CA10: variants seen among roughly 807,000 people sequenced by gnomAD.
The protein encoded by CA10 is carbonic anhydrase-related protein 10.
A neutral mutation model predicts 44.2 loss-of-function variants in CA10; 14 were observed. That is an observed-to-expected ratio of 0.32 (90% CI 0.21 to 0.50). The LOEUF is 0.50. CA10 is among the 20% of genes least tolerant of loss of function. CA10 has a pLI of 0.99. For synonymous variants in CA10, 159 were observed against 141.6 expected (o/e 1.12, Z -0.87); for missense variants, 350 against 409.7 (o/e 0.85, Z 1.26).
At chr17:51,793,543 T>C (rs1439716168) in intron 3 of CA10, among the ~76,000 whole-genome samples, 1 of 152,244 alleles carries the variant, frequency 6.6e-6, no homozygotes, top group African/African-American at 2.4e-5. Flanking sequence ...GGTTTTGTCC[T>C]GTGTTGAAAC....
intron 3 of CA10, among the ~76,000 whole-genome samples, chr17:51,878,075 C>T (rs561849719): frequency 7.0e-5 from 9 of 129,096 alleles, no homozygotes; most frequent in East Asian, 2.4e-4. Context: ...ACCCAGAAGG[C>T]GGAGGTTACA....
chr17:51,848,271 T>G (rs540886083), intron 3 of CA10, among the ~76,000 whole-genome samples: 1 of 152,242 alleles, frequency 6.6e-6, no homozygotes, highest in Non-Finnish European at 1.5e-5. Context: ...AATATTGCAT[T>G]AAAATGCTAT....
chr17:51,883,606 C>G (rs1043136147), intron 3 of CA10, among the ~76,000 whole-genome samples: 1 of 152,142 alleles, frequency 6.6e-6, no homozygotes, highest in African/African-American at 2.4e-5. Context: ...AGAACCCTTT[C>G]TTCTTTCATC....
chr17:51,734,268 G>A lies in CA10; in HGVS notation c.465+13365C>T, dbSNP rs143598758. 2.0e-5 allele frequency among the ~76,000 whole-genome samples: 3 copies of A among 151,956 alleles called. No homozygotes were observed. In the East Asian group the frequency reaches 5.8e-4, roughly 29 times the overall value. ...ATAGCATCATGACTCCTTAATCAAT[G>A]GTTTATACGTGATGGCAAACTTGTG... On this transcript the variant is annotated intron_variant, in intron 4 of 8. Coordinates refer to ENST00000451037, the MANE Select transcript of CA10 (RefSeq NM_020178.5).
chr17:52,112,390 C>T (rs896498773), intron 1 of CA10, among the ~76,000 whole-genome samples: 7 of 152,192 alleles, frequency 4.6e-5, no homozygotes, highest in Non-Finnish European at 7.4e-5. Context: ...TACAACACAG[C>T]CATGCCCATT....
At chr17:51,738,315 G>A (rs1214109273) in intron 4 of CA10, among the ~76,000 whole-genome samples, 1 of 152,148 alleles carries the variant, frequency 6.6e-6, no homozygotes, top group Admixed American at 6.6e-5. Context: ...CATCCATGGA[G>A]CAGCTAGACA....
At position 51,839,752 on chromosome 17, in the gene CA10, A is replaced by T. The variant is rs143519573; in HGVS notation, c.279+91238T>A. The stretch of plus-strand genomic sequence containing the variant: ...AACCAAAATCCTAAATGGAAAGAAG[A>T]CTGAAATATAAAATTAGAAAACTTT... On this transcript the variant is annotated intron_variant, in intron 3 of 8. Transcript: ENST00000451037. Among the ~76,000 whole-genome samples, 595 of 152,278 alleles carry T rather than the reference A, an allele frequency of 3.9e-3. 3 individuals carry two copies. The highest frequency in any genetic ancestry group is 7.0e-3 in the Non-Finnish European group (476 of 68,024).
intron 1 of CA10, among the ~76,000 whole-genome samples, chr17:52,095,742 T>C (rs1305321560): frequency 6.6e-6 from 1 of 152,148 alleles, no homozygotes; most frequent in Non-Finnish European, 1.5e-5. Flanking sequence ...GCCTGGGTTT[T>C]GGTATATTTA....
chr17:51,938,683 G>T (rs556799525), intron 2 of CA10, among the ~76,000 whole-genome samples: 1 of 152,206 alleles, frequency 6.6e-6, no homozygotes, highest in South Asian at 2.1e-4. Context: ...GTTCCAAGTG[G>T]TGACTGGCTG....
intron 4 of CA10, among the ~76,000 whole-genome samples, chr17:51,708,743 G>A (rs1295741569): frequency 1.3e-5 from 2 of 152,218 alleles, no homozygotes; most frequent in African/African-American, 4.8e-5. Flanking sequence ...GCAGAAGAAC[G>A]TGGAAGGACT....
Position 51,692,391 on chromosome 17 carries a change from CT to C in CA10, c.466-38656del, listed in dbSNP as rs1915236184. Among the ~76,000 whole-genome samples, 9 of 127,802 alleles carry C rather than the reference CT, an allele frequency of 7.0e-5. No individual in the cohort carries two copies. In the Admixed American group the frequency reaches 7.4e-4, roughly 10 times the overall value. The allele number at this position is 127,802 out of a possible 152,430, so 83.8% of individuals were successfully genotyped here. A position where few individuals can be genotyped will look rare whatever the true frequency, so the allele number is the denominator to read the frequency against. On this transcript the variant is annotated intron_variant, in intron 4 of 8. Coordinates refer to ENST00000451037, the MANE Select transcript of CA10 (RefSeq NM_020178.5). ...CCTATCTATCTATCTATCTATCTAT[CT>C]ATCTATCTATCTATCTATCTATCTA...
chr17:51,786,251 T>G (rs1906277799), intron 3 of CA10, among the ~76,000 whole-genome samples: 2 of 151,052 alleles, frequency 1.3e-5, no homozygotes, highest in African/African-American at 4.9e-5. Flanking sequence ...GTCTTTAGGC[T>G]TTTCCAAATA....
intron 3 of CA10, among the ~76,000 whole-genome samples, chr17:51,914,249 T>A (rs1981902356): frequency 9.3e-6 from 1 of 107,738 alleles, no homozygotes; most frequent in Non-Finnish European, 2.2e-5. Flanking sequence ...GAAGAGAGGC[T>A]GCAGAGGAGA....
chr17:51,995,187 T>C (rs569737217), intron 2 of CA10, among the ~76,000 whole-genome samples: 9 of 152,174 alleles, frequency 5.9e-5, no homozygotes, highest in Non-Finnish European at 1.0e-4. Flanking sequence ...AACCATGTAA[T>C]ATGATTTATT....
intron 3 of CA10, among the ~76,000 whole-genome samples, chr17:51,803,448 C>T (rs139564347): frequency 4.2e-4 from 64 of 152,312 alleles, no homozygotes; most frequent in Admixed American, 7.8e-4. Flanking sequence ...CTCCAAATCC[C>T]GGCTTCTCAG....
chr17:52,157,650 T>C (rs1224476970), intron 1 of CA10, 76 bp downstream of exon 1: 13 of 1,342,826 alleles, frequency 9.7e-6, no homozygotes, highest in African/African-American at 1.4e-5. Context: ...CCCGCGGCTA[T>C]ATACAATAAA....
intron 3 of CA10, among the ~76,000 whole-genome samples, chr17:51,821,505 A>T (rs1048214858): frequency 6.6e-6 from 1 of 151,952 alleles, no homozygotes; most frequent in African/African-American, 2.4e-5. Context: ...GGTCCAAATG[A>T]TTACCAGCTC....
At chr17:52,137,411 T>G (rs1488425321) in intron 1 of CA10, among the ~76,000 whole-genome samples, 1 of 152,248 alleles carries the variant, frequency 6.6e-6, no homozygotes, top group East Asian at 1.9e-4. Context: ...AGTGAAAATA[T>G]TCATTTCAGC....
chr17:51,671,012 C>T (rs1914397384), intron 4 of CA10, among the ~76,000 whole-genome samples: 1 of 152,086 alleles, frequency 6.6e-6, no homozygotes, highest in Non-Finnish European at 1.5e-5. Flanking sequence ...TAAATGAACC[C>T]CTGTGGAATG....
Sources: allele counts gnomAD v4.1 joint callset (sites outside exome capture counted in the v4.1 genomes callset), GRCh38; gene constraint gnomAD v4.1.1; transcripts MANE v1.5; gene names NCBI Gene and HGNC (gene_info 2026-07-23, HGNC 2026-07-21).